The following CACNA2D4 variants were observed in gnomAD, a reference collection of about 807,000 sequenced individuals.
CACNA2D4 encodes calcium voltage-gated channel auxiliary subunit alpha2delta 4.
In CACNA2D4, 157 loss-of-function variants were observed where a neutral mutation model predicts 163.8. The ratio of observed to expected loss-of-function variants is 0.96; its 90% CI spans 0.84 to 1.09. The LOEUF is 1.09. Among genes scored for constraint, CACNA2D4 ranks in the 50% least tolerant of loss-of-function variants. The pLI is 0.00. For synonymous variants in CACNA2D4, 598 were observed against 586.9 expected (o/e 1.02, Z -0.27); for missense variants, 1,410 against 1,479.9 (o/e 0.95, Z 0.78).
intron 26 of CACNA2D4, among the ~76,000 whole-genome samples, chr12:1,824,784 G>A (rs1034441388): frequency 7.9e-5 from 12 of 152,224 alleles, no homozygotes. Context: ...TTTGGATGGA[G>A]GCGTGTTGGT....
chr12:1,792,554 C>T lies in CACNA2D4; in HGVS notation c.*1101G>A, dbSNP rs977749676. 8 of 152,068 alleles carry T rather than the reference C, an allele frequency of 5.3e-5. No homozygotes were observed. The highest frequency in any genetic ancestry group is 1.9e-4 in the African/African-American group (8 of 41,350). 9.4% of individuals were successfully genotyped at this position (152,068 alleles called of 1,614,324 possible). A position where few individuals can be genotyped will look rare whatever the true frequency, so the allele number is the denominator to read the frequency against. Reference sequence around the variant, plus strand: ...CGGCCTCTCCCACATTTCTCCATGGCTTTGCCCTTAATGTTGCTCTCACTG... The same window carrying T: ...CGGCCTCTCCCACATTTCTCCATGGTTTTGCCCTTAATGTTGCTCTCACTG... On this transcript the variant is annotated 3_prime_UTR_variant, in exon 38 of 38. Coordinates refer to ENST00000382722, the MANE Select transcript of CACNA2D4 (RefSeq NM_172364.5).
chr12:1,808,755 G>A (rs1592659731), intron 29 of CACNA2D4, among the ~76,000 whole-genome samples: 1 of 152,208 alleles, frequency 6.6e-6, no homozygotes, highest in Admixed American at 6.5e-5. Flanking sequence ...GAGAGGGGTC[G>A]GAGCACGAAT....
chr12:1,799,591 A>G lies in CACNA2D4; in HGVS notation c.2995+84T>C, dbSNP rs1047992127. ...CCCTGCTTGGGGTCATTCCTGGGACAGGTCATGGAGGGTGGGTTCTTTGTA... is the reference window on the plus strand; with the variant it reads ...CCCTGCTTGGGGTCATTCCTGGGACGGGTCATGGAGGGTGGGTTCTTTGTA... On this transcript the variant is annotated intron_variant, in intron 34 of 37. Coordinates refer to ENST00000382722, the MANE Select transcript of CACNA2D4 (RefSeq NM_172364.5). This position sits in a 1 kb window ranked among gnomAD's most constrained non-coding sequence, Gnocchi z 4.7. The G allele has an allele frequency of 2.1e-6, 3 of 1,398,626 alleles. No homozygotes were observed. Among genetic ancestry groups the G allele is most frequent in the South Asian group, 1.2e-5 (1 of 80,640 alleles). The allele number at this position is 1,398,626 out of a possible 1,614,324, so 86.6% of individuals were successfully genotyped here. A position where few individuals can be genotyped will look rare whatever the true frequency, so the allele number is the denominator to read the frequency against.
At chr12:1,855,919 C>A in intron 22 of CACNA2D4, 93 bp downstream of exon 22, 1 of 892,018 alleles carries the variant, frequency 1.1e-6, no homozygotes, top group South Asian at 1.4e-5. Flanking sequence ...GGCTGTGCAG[C>A]AGCCTCCCCC....
Position 1,879,007 on chromosome 12 carries a change from C to T in CACNA2D4, c.1593G>A (p.Val531=). The T allele has an allele frequency of 6.2e-7, 1 of 1,613,894 alleles. No homozygotes were observed. The highest frequency in any genetic ancestry group is 1.1e-5 in the South Asian group (1 of 91,074). Reference sequence around the variant, plus strand: ...GCTCTCTCAGGGCCACATCTGAGCCCACCACACCCAGGAGAATGCCATGGG... The same window carrying T: ...GCTCTCTCAGGGCCACATCTGAGCCTACCACACCCAGGAGAATGCCATGGG... ...TRSHGILLGV[V]GSDVALRELM... The change falls in exon 15 of 38, where the codon GTG becomes GTA. Residue 531 remains valine, a synonymous_variant. Coordinates refer to ENST00000382722, the MANE Select transcript of CACNA2D4 (RefSeq NM_172364.5).
chr12:1,866,372 C>T (rs1231181939), intron 18 of CACNA2D4, among the ~76,000 whole-genome samples: 1 of 152,170 alleles, frequency 6.6e-6, no homozygotes, highest in Non-Finnish European at 1.5e-5. Flanking sequence ...ACATATATTA[C>T]AAACCCCACA....
chr12:1,839,288 G>A (rs1019289936), intron 26 of CACNA2D4, among the ~76,000 whole-genome samples: 2 of 152,242 alleles, frequency 1.3e-5, no homozygotes, highest in African/African-American at 4.8e-5. Flanking sequence ...GTTGGATCGC[G>A]CAACTTTTCA....
chr12:1,865,112 G>C (rs1347578579), intron 18 of CACNA2D4, among the ~76,000 whole-genome samples: 4 of 152,170 alleles, frequency 2.6e-5, no homozygotes, highest in Non-Finnish European at 4.4e-5. Context: ...CGTGGGTGCC[G>C]CTCACGCTGT....
At chr12:1,851,555 T>C (rs1426240328) in intron 23 of CACNA2D4, among the ~76,000 whole-genome samples, 2 of 152,178 alleles carry the variant, frequency 1.3e-5, no homozygotes, top group Non-Finnish European at 2.9e-5. Flanking sequence ...CCTTTTCTTG[T>C]GCCAATACCA....
At chr12:1,819,229 A>G (rs1023019746) in intron 26 of CACNA2D4, among the ~76,000 whole-genome samples, 1 of 152,160 alleles carries the variant, frequency 6.6e-6, no homozygotes, top group Non-Finnish European at 1.5e-5. Context: ...GAGATGGAGA[A>G]GCAGGAAGTA....
intron 18 of CACNA2D4, among the ~76,000 whole-genome samples, chr12:1,866,810 T>A (rs1443483435): frequency 2.6e-5 from 4 of 151,472 alleles, no homozygotes; most frequent in Non-Finnish European, 5.9e-5. Context: ...TTTTGTATTT[T>A]TTTGTAGAGA....
chr12:1,812,332 C>A (rs1863739818), intron 26 of CACNA2D4, among the ~76,000 whole-genome samples: 1 of 152,220 alleles, frequency 6.6e-6, no homozygotes, highest in African/African-American at 2.4e-5. Flanking sequence ...CACCAGCTGG[C>A]AAATAGTTCT....
chr12:1,810,438 C>T, intron 28 of CACNA2D4, 98 bp from the exon 29 acceptor site: 1 of 1,527,108 alleles, frequency 6.5e-7, no homozygotes. Flanking sequence ...GGGAGCTTCA[C>T]TGCAGGGAAG....
At chr12:1,811,902 G>A in intron 26 of CACNA2D4, 179 bp from the exon 27 acceptor site, 1 of 597,382 alleles carries the variant, frequency 1.7e-6, no homozygotes, top group South Asian at 2.1e-5. Context: ...GGAGGGGTGG[G>A]GGAAGAACAG....
Position 1,800,443 on chromosome 12 carries a change from GA to G in CACNA2D4, c.2869-6del. 6.2e-7 allele frequency: 1 copy of G among 1,613,832 alleles called. No homozygotes were observed. ...CGTCAAGAAGGCAGAAATTGGCTGG[GA>G]AGGAGAGAGTGCACACCGCTCGCAC... On this transcript the variant is annotated splice_polypyrimidine_tract_variant and splice_region_variant and intron_variant, in intron 31 of 37. Coordinates refer to ENST00000382722, the MANE Select transcript of CACNA2D4 (RefSeq NM_172364.5).
Position 1,900,676 on chromosome 12 carries a change from C to T in CACNA2D4, c.781+6764G>A, listed in dbSNP as rs114170451. On this transcript the variant is annotated intron_variant, in intron 6 of 37. Transcript: ENST00000382722. ...ATAACAATTGTAAATATATATGCAC[C>T]CCACACTGGAGCACCCAGATATATA... 6.8e-3 allele frequency among the ~76,000 whole-genome samples: 1,032 copies of T among 152,088 alleles called. 17 individuals are homozygous for T. Among genetic ancestry groups the T allele is most frequent in the African/African-American group, 0.024 (980 of 41,454 alleles).
chr12:1,828,784 C>T lies in CACNA2D4; in HGVS notation c.2551+11955G>A, dbSNP rs953653438. 6.6e-6 allele frequency among the ~76,000 whole-genome samples: 1 copy of T among 152,154 alleles called. No homozygotes were observed. The highest frequency in any genetic ancestry group is 1.5e-5 in the Non-Finnish European group (1 of 68,026). ...TGGGGAGTGGGTCCAACCCCTCCTG[C>T]ATATAGGCAGACTGAGCCGTCCATT... On this transcript the variant is annotated intron_variant, in intron 26 of 37. Transcript: ENST00000382722. The surrounding 1 kb of genome is among the most constrained non-coding windows in gnomAD (Gnocchi z 4.2).
chr12:1,818,861 C>T (rs1017675485), intron 26 of CACNA2D4, among the ~76,000 whole-genome samples: 3 of 149,022 alleles, frequency 2.0e-5, no homozygotes, highest in African/African-American at 5.0e-5. Context: ...CGGAAGGCGG[C>T]AGGGCCCTCT....
rs970731513 is a variant in CACNA2D4 at position 1,798,972 on chromosome 12, CAGAG to C, written c.2995+699_2995+702del. Among the ~76,000 whole-genome samples, 4 of 152,142 alleles carry C rather than the reference CAGAG, an allele frequency of 2.6e-5. No individual in the cohort carries two copies. The highest frequency in any genetic ancestry group is 5.9e-5 in the Non-Finnish European group (4 of 68,040). ...CAGCAGAAGAGAACGAAGAGCAAGC[CAGAG>C]AGAGGACCACAGTGGAGATGAAGAG... On this transcript the variant is annotated intron_variant, in intron 34 of 37. Coordinates refer to ENST00000382722, the MANE Select transcript of CACNA2D4 (RefSeq NM_172364.5). The surrounding 1 kb of genome is among the most constrained non-coding windows in gnomAD (Gnocchi z 4.3).
Sources: gnomAD v4.1 joint callset for allele counts (sites outside exome capture counted in the v4.1 genomes callset) on GRCh38, gnomAD v4.1.1 for gene constraint, Gnocchi (gnomAD v3.1) non-coding constraint, MANE v1.5 for transcripts, NCBI Gene and HGNC (gene_info 2026-07-23, HGNC 2026-07-21) for gene names.